STK32B: variants seen among roughly 807,000 people sequenced by gnomAD.
STK32B encodes the protein serine/threonine kinase 32B.
STK32B carries 43 observed loss-of-function variants against 52.6 expected under a neutral mutation model. The ratio of observed to expected loss-of-function variants is 0.82; its 90% CI spans 0.64 to 1.05. STK32B has a LOEUF of 1.05. Ranked by LOEUF, STK32B falls within the 50% of genes least tolerant of loss-of-function variation. The pLI is 0.00. For missense variants in STK32B, 621 were observed against 534.6 expected (o/e 1.16, Z -1.59); for synonymous variants, 238 against 204.3 (o/e 1.17, Z -1.41).
intron 1 of STK32B, among the ~76,000 whole-genome samples, chr4:5,066,074 C>T (rs1742412176): frequency 6.6e-6 from 1 of 152,138 alleles, no homozygotes; most frequent in Non-Finnish European, 1.5e-5. Context: ...GATTTCCAAA[C>T]CTCTGGTTTC....
rs778966608 is a variant in STK32B, at chr4:5,456,790, T to C, written c.667-17T>C. On this transcript the variant is annotated splice_polypyrimidine_tract_variant and intron_variant, in intron 7 of 11. Transcript: ENST00000282908. ...ATGGCTCTCTCTCTGATTCTGGCTG[T>C]TGTTCTTTGATTGCAGAGGCCGTAC... The C allele has an allele frequency of 1.9e-6, 3 of 1,553,898 alleles. No individual in the cohort carries two copies. Among genetic ancestry groups the C allele is most frequent in the South Asian group, 1.2e-5 (1 of 81,106 alleles).
intron 1 of STK32B, among the ~76,000 whole-genome samples, chr4:5,135,412 T>C (rs1716013651): frequency 6.6e-6 from 1 of 152,216 alleles, no homozygotes; most frequent in Non-Finnish European, 1.5e-5. Context: ...CTCTTGTTCT[T>C]TGGCCTCTTA....
At chr4:5,331,434 A>G (rs769104638) in intron 4 of STK32B, 41 bp downstream of exon 4, 7 of 1,577,484 alleles carry the variant, frequency 4.4e-6, no homozygotes, top group Non-Finnish European at 6.0e-6. Context: ...CAGAGGGACC[A>G]TGGGCTAGGG....
intron 4 of STK32B, among the ~76,000 whole-genome samples, chr4:5,364,093 C>T (rs541919963): frequency 1.3e-5 from 2 of 151,048 alleles, no homozygotes; most frequent in African/African-American, 4.9e-5. Flanking sequence ...TTCACTGACC[C>T]CCCCCACTGT....
At chr4:5,137,254 A>G (rs768910017) in intron 1 of STK32B, among the ~76,000 whole-genome samples, 13 of 152,180 alleles carry the variant, frequency 8.5e-5, no homozygotes, top group Non-Finnish European at 1.6e-4. Flanking sequence ...CACCTGGCCA[A>G]TGCTCAATCT....
chr4:5,181,328 A>G (rs1720333164), intron 3 of STK32B, among the ~76,000 whole-genome samples: 1 of 111,482 alleles, frequency 9.0e-6, no homozygotes, highest in Non-Finnish European at 1.9e-5. Flanking sequence ...ATGGAGAGTG[A>G]GACACACACA....
At chr4:5,260,656 G>A (rs1189200677) in intron 3 of STK32B, among the ~76,000 whole-genome samples, 1 of 152,174 alleles carries the variant, frequency 6.6e-6, no homozygotes, top group East Asian at 1.9e-4. Context: ...GCCTATTAGG[G>A]AAGGAAAGAC....
chr4:5,211,808 T>C (rs1475303277), intron 3 of STK32B, among the ~76,000 whole-genome samples: 1 of 152,218 alleles, frequency 6.6e-6, no homozygotes, highest in Non-Finnish European at 1.5e-5. Context: ...CAAACTCGCA[T>C]TTTACACTGT....
At chr4:5,445,889 G>T (rs1715364222) in intron 6 of STK32B, among the ~76,000 whole-genome samples, 1 of 144,358 alleles carries the variant, frequency 6.9e-6, no homozygotes, top group South Asian at 2.5e-4. Context: ...TTTACTCATT[G>T]TGGGTATTTC....
intron 3 of STK32B, among the ~76,000 whole-genome samples, chr4:5,316,214 C>T (rs191292031): frequency 0.22 from 14,673 of 65,574 alleles, 3,026 homozygotes; most frequent in African/African-American, 0.64. Context: ...ATATATATTA[C>T]ATAATATATT....
intron 6 of STK32B, 25 bp downstream of exon 6, chr4:5,416,959 T>G (rs1210719464): frequency 6.3e-7 from 1 of 1,596,794 alleles, no homozygotes; most frequent in East Asian, 2.2e-5. Flanking sequence ...CCCCTTCTTT[T>G]CATGTGATCG....
At chr4:5,338,813 A>G (rs1186408632) in intron 4 of STK32B, among the ~76,000 whole-genome samples, 2 of 152,212 alleles carry the variant, frequency 1.3e-5, no homozygotes, top group Non-Finnish European at 2.9e-5. Context: ...ATTTATGGGA[A>G]TGTTTTAAAG....
At chr4:5,180,634 G>C (rs1720281406) in intron 3 of STK32B, among the ~76,000 whole-genome samples, 1 of 152,152 alleles carries the variant, frequency 6.6e-6, no homozygotes, top group South Asian at 2.1e-4. Flanking sequence ...ACACAGTGTG[G>C]AATTGCCTGT....
chr4:5,274,140 A>G (rs1178685086), intron 3 of STK32B, among the ~76,000 whole-genome samples: 6 of 152,212 alleles, frequency 3.9e-5, no homozygotes, highest in Admixed American at 2.0e-4. Context: ...AACTATTTCA[A>G]AAATATATGT....
intron 3 of STK32B, among the ~76,000 whole-genome samples, chr4:5,175,640 G>A (rs145542114): frequency 0.19 from 28,546 of 152,160 alleles, 3,373 homozygotes; most frequent in East Asian, 0.31. Context: ...CGCAAATGCT[G>A]CTGCCTGATC....
At chr4:5,409,511 C>T (rs572587029) in intron 5 of STK32B, among the ~76,000 whole-genome samples, 71 of 152,280 alleles carry the variant, frequency 4.7e-4, no homozygotes, top group African/African-American at 1.5e-3. Flanking sequence ...ACTGGCTTGA[C>T]ATTAAGAATC....
intron 6 of STK32B, among the ~76,000 whole-genome samples, chr4:5,423,433 G>A (rs1258422781): frequency 6.6e-6 from 1 of 152,150 alleles, no homozygotes; most frequent in Non-Finnish European, 1.5e-5. Context: ...GCCTCAGGAG[G>A]TTGCTTTGAG....
intron 2 of STK32B, among the ~76,000 whole-genome samples, chr4:5,141,831 C>T (rs1384226708): frequency 6.6e-6 from 1 of 152,168 alleles, no homozygotes; most frequent in Non-Finnish European, 1.5e-5. Context: ...CCACCTTCCT[C>T]AGTGGGATGA....
intron 4 of STK32B, among the ~76,000 whole-genome samples, chr4:5,385,677 G>A (rs779920797): frequency 2.0e-5 from 3 of 152,064 alleles, no homozygotes; most frequent in Admixed American, 6.6e-5. Context: ...TCTCCAGGTC[G>A]TTTGTTGCAC....
Sources: gnomAD v4.1 joint callset for allele counts (sites outside exome capture counted in the v4.1 genomes callset) on GRCh38, gnomAD v4.1.1 for gene constraint, MANE v1.5 for transcripts, NCBI Gene and HGNC (gene_info 2026-07-23, HGNC 2026-07-21) for gene names.